The following ARAP2 variants were observed in gnomAD, a reference collection of about 807,000 sequenced individuals.
The protein encoded by ARAP2 is arf-GAP with Rho-GAP domain, ANK repeat and PH domain-containing protein 2.
Under a neutral mutation model 194.5 loss-of-function variants are expected in ARAP2, and 148 were observed. The ratio of observed to expected loss-of-function variants is 0.76; its 90% CI spans 0.67 to 0.87. The LOEUF (loss-of-function observed/expected upper bound fraction) is 0.87, where lower values mean the gene tolerates loss of function less well. Among genes scored for constraint, ARAP2 ranks in the 40% least tolerant of loss-of-function variants. The pLI, the probability that ARAP2 is intolerant of heterozygous loss-of-function variation, is 0.00. For synonymous variants in ARAP2, 695 were observed against 683.5 expected, an observed-to-expected ratio of 1.02 and a Z score of -0.26; for missense variants, 2,128 against 1,989.7, an observed-to-expected ratio of 1.07 and a Z score of -1.32.
chr4:36,218,170 A>G (rs548851488), intron 2 of ARAP2, among the ~76,000 whole-genome samples: 1 of 152,200 alleles, frequency 6.6e-6, no homozygotes, highest in Non-Finnish European at 1.5e-5. Flanking sequence ...AGACCCAGTT[A>G]CATGGATGGA....
Position 36,244,401 on chromosome 4 carries a change from AC to A in ARAP2, c.-383del. On this transcript the variant is annotated 5_prime_UTR_variant, in exon 1 of 33. Transcript: ENST00000303965. ...GGGGCCGGCGTGTCGCGGCCGCCGC[AC>A]CTGGAGGCGGGGAGCGCGGGCCGCG... 6.7e-6 allele frequency: 1 copy of A among 149,754 alleles called. No individual in the cohort carries two copies. The highest frequency in any genetic ancestry group is 2.4e-5 in the African/African-American group (1 of 40,950). 9.3% of individuals were successfully genotyped at this position (149,754 alleles called of 1,614,324 possible).
chr4:36,121,227 T>C lies in ARAP2; in HGVS notation c.3846A>G (p.Glu1282=), dbSNP rs1722604303. 6.2e-7 allele frequency: 1 copy of C among 1,607,228 alleles called. No homozygotes were observed. Among genetic ancestry groups the C allele is most frequent in the Non-Finnish European group, 8.5e-7 (1 of 1,176,036 alleles). ...TAATTAGGTCCTCAATTACATTCAC[T>C]TCTTCACTAGTTTGTCCCTTCGTTT... ...LFQTKGQTSE[E]VNVIEDLINN... Residue 1282 remains glutamate (E), a synonymous_variant, in exon 23 of 33, where the codon GAA becomes GAG. Coordinates refer to ENST00000303965, the MANE Select transcript of ARAP2 (RefSeq NM_015230.4).
chr4:36,139,152 A>C (rs969567397), intron 19 of ARAP2, among the ~76,000 whole-genome samples: 6 of 151,686 alleles, frequency 4.0e-5, no homozygotes, highest in African/African-American at 1.2e-4. Flanking sequence ...TTGAGTTTTT[A>C]ACTTATAATT....
intron 15 of ARAP2, among the ~76,000 whole-genome samples, chr4:36,153,228 C>A (rs999150186): frequency 6.6e-6 from 1 of 152,024 alleles, no homozygotes; most frequent in East Asian, 1.9e-4. Context: ...GGCAGGTGCA[C>A]GTATTGTCTT....
chr4:36,184,276 C>CATAT (rs10602029), intron 8 of ARAP2, among the ~76,000 whole-genome samples: 52 of 148,626 alleles, frequency 3.5e-4, no homozygotes, highest in Admixed American at 8.7e-4. Context: ...GATGCATAAA[C>CATAT]ATATATATAT....
intron 28 of ARAP2, among the ~76,000 whole-genome samples, chr4:36,086,326 T>C (rs1357371963): frequency 6.6e-6 from 1 of 152,076 alleles, no homozygotes; most frequent in Admixed American, 6.6e-5. Context: ...CTTTTGGTAA[T>C]AAGTAGATTG....
chr4:36,027,121 A>T (rs1718049073), intron 5 of ARAP2, among the ~76,000 whole-genome samples: 1 of 152,140 alleles, frequency 6.6e-6, no homozygotes, highest in Non-Finnish European at 1.5e-5. Context: ...GTGGATAATG[A>T]TATATCATAT....
intron 32 of ARAP2, among the ~76,000 whole-genome samples, chr4:36,070,638 C>A (rs1015468428): frequency 6.6e-6 from 1 of 152,142 alleles, no homozygotes; most frequent in Non-Finnish European, 1.5e-5. Context: ...TCCATTAAAT[C>A]CAGAGGCAAG....
intron 21 of ARAP2, among the ~76,000 whole-genome samples, chr4:36,125,863 A>G (rs1723769228): frequency 2.0e-5 from 3 of 152,032 alleles, no homozygotes; most frequent in African/African-American, 7.2e-5. Context: ...ATTCGCAACT[A>G]TCTTTGGAAA....
chr4:36,232,780 C>A (rs1370846764), intron 1 of ARAP2, among the ~76,000 whole-genome samples: 5 of 152,080 alleles, frequency 3.3e-5, no homozygotes, highest in Non-Finnish European at 7.4e-5. Context: ...ATTTCTATAC[C>A]AGAGCTTTGC....
At chr4:36,089,410 A>C (rs1041108492) in intron 28 of ARAP2, among the ~76,000 whole-genome samples, 3 of 152,124 alleles carry the variant, frequency 2.0e-5, no homozygotes, top group Admixed American at 6.6e-5. Flanking sequence ...TCTGCTTATG[A>C]ACATTCTTGT....
chr4:36,172,847 G>A (rs980570394), intron 9 of ARAP2, among the ~76,000 whole-genome samples: 1 of 152,172 alleles, frequency 6.6e-6, no homozygotes, highest in African/African-American at 2.4e-5. Context: ...ACCAGATGCA[G>A]AGTTGGGCCA....
downstream of ARAP2, among the ~76,000 whole-genome samples, chr4:36,062,572 A>C (rs1724617839): frequency 2.0e-5 from 3 of 152,044 alleles, no homozygotes; most frequent in African/African-American, 7.2e-5. Context: ...CATTTATTGT[A>C]TCTCTACTAT....
intron 30 of ARAP2, among the ~76,000 whole-genome samples, chr4:36,081,500 G>C (rs898672754): frequency 1.3e-5 from 2 of 152,130 alleles, no homozygotes; most frequent in Admixed American, 6.6e-5. Context: ...GATGAAGTTG[G>C]TGGAGTCATA....
intron 2 of ARAP2, among the ~76,000 whole-genome samples, chr4:36,215,011 G>T (rs557025468): frequency 6.6e-6 from 1 of 152,238 alleles, no homozygotes; most frequent in Admixed American, 6.5e-5. Context: ...ATATTACAGG[G>T]CAATTATTTA....
rs554161091 is a variant in ARAP2 at position 36,124,887 on chromosome 4, C to T, written c.3721G>A (p.Ala1241Thr). The stretch of plus-strand genomic sequence containing the variant: ...CTATACAGGTGTTCAATGATAGCTG[C>T]TAGTGTTGCTCGGTTGACCCCTGGA... ...SLPGVNRATL[A>T]AIIEHLYRVQ... The change falls in exon 22 of 33, where the codon GCA becomes ACA. Residue 1241 changes from alanine (A) to threonine (T), a missense_variant. Coordinates refer to ENST00000303965, the MANE Select transcript of ARAP2 (RefSeq NM_015230.4). 188 of 1,610,312 alleles carry T rather than the reference C, an allele frequency of 1.2e-4. No individual in the cohort carries two copies. The highest frequency in any genetic ancestry group is 3.3e-4 in the Middle Eastern group (2 of 6,042).
At position 36,161,545 on chromosome 4, in the gene ARAP2, G is replaced by A; in HGVS notation, c.2179C>T (p.His727Tyr). 6.2e-7 allele frequency: 1 copy of A among 1,611,844 alleles called. No homozygotes were observed. The highest frequency in any genetic ancestry group is 8.5e-7 in the Non-Finnish European group (1 of 1,178,000). ...GAATCTTTTGGTCCTAAAGATCTAT[G>A]CTGTCCTAGAGTCAAAACACAATTG... The part of the protein sequence containing the change: ...VVICKKCAGQ[H>Y]RSLGPKDSKV... The change falls in exon 12 of 33, where the codon CAT becomes TAT. Residue 727 changes from histidine to tyrosine, a missense_variant. Transcript: ENST00000303965.
At chr4:36,043,357 C>A (rs943482198) in intron 5 of ARAP2, among the ~76,000 whole-genome samples, 6 of 152,126 alleles carry the variant, frequency 3.9e-5, no homozygotes, top group African/African-American at 1.2e-4. Flanking sequence ...TCTTCCCATA[C>A]TTCACTTATG....
chr4:36,169,391 C>T (rs1035027617), intron 9 of ARAP2, among the ~76,000 whole-genome samples: 4 of 152,132 alleles, frequency 2.6e-5, no homozygotes, highest in Non-Finnish European at 5.9e-5. Context: ...TGAGCCTCAT[C>T]AAGGCTCCTG....
Sources: gnomAD v4.1 joint callset for allele counts (sites outside exome capture counted in the v4.1 genomes callset) on GRCh38, gnomAD v4.1.1 for gene constraint, MANE v1.5 for transcripts, NCBI Gene and HGNC (gene_info 2026-07-23, HGNC 2026-07-21) for gene names.